The following PPFIA2 variants were observed in gnomAD, a reference collection of about 807,000 sequenced individuals.
PPFIA2 encodes the protein PPFI scaffold protein A2.
A neutral mutation model predicts 175.5 loss-of-function variants in PPFIA2; 46 were observed. The ratio of observed to expected loss-of-function variants is 0.26; its 90% CI spans 0.21 to 0.34. The LOEUF (loss-of-function observed/expected upper bound fraction) is 0.34. Ranked by LOEUF, PPFIA2 falls within the 10% of genes least tolerant of loss-of-function variation. The pLI, the probability that PPFIA2 is intolerant of heterozygous loss-of-function variation, is 1.00. For missense variants in PPFIA2, 1,179 were observed against 1,506.1 expected, an observed-to-expected ratio of 0.78 and a Z score of 3.60; for synonymous variants, 568 against 511.4, an observed-to-expected ratio of 1.11 and a Z score of -1.49.
At chr12:81,659,824 C>A (rs1209092224) in intron 4 of PPFIA2, among the ~76,000 whole-genome samples, 2 of 152,166 alleles carry the variant, frequency 1.3e-5, no homozygotes, top group Non-Finnish European at 2.9e-5. Context: ...CAGACTGACA[C>A]CTCACACGGC....
At chr12:81,709,642 G>C (rs1318839394) in intron 3 of PPFIA2, among the ~76,000 whole-genome samples, 1 of 151,694 alleles carries the variant, frequency 6.6e-6, no homozygotes, top group Non-Finnish European at 1.5e-5. Flanking sequence ...TATTATGAGA[G>C]CTTTCAAAGT....
chr12:81,688,470 G>C (rs1204311171), intron 3 of PPFIA2, among the ~76,000 whole-genome samples: 1 of 151,706 alleles, frequency 6.6e-6, no homozygotes, highest in African/African-American at 2.4e-5. Flanking sequence ...TCAATTACAT[G>C]ATGCTTAGAT....
chr12:81,497,095 C>T (rs2060102366), intron 4 of PPFIA2, among the ~76,000 whole-genome samples: 1 of 152,196 alleles, frequency 6.6e-6, no homozygotes, highest in African/African-American at 2.4e-5. Context: ...TATGTCCTAA[C>T]TCATGCTTGG....
At chr12:81,318,368 C>T (rs1490998144) in intron 22 of PPFIA2, among the ~76,000 whole-genome samples, 1 of 151,734 alleles carries the variant, frequency 6.6e-6, no homozygotes, top group African/African-American at 2.4e-5. Flanking sequence ...ATTTGTCAGG[C>T]ATTGCTCATT....
intron 4 of PPFIA2, among the ~76,000 whole-genome samples, chr12:81,585,117 T>C (rs1330613292): frequency 7.3e-6 from 1 of 137,198 alleles, no homozygotes; most frequent in Non-Finnish European, 1.5e-5. Context: ...CATAAATATA[T>C]AGCATAAAAT....
At chr12:81,731,601 G>T (rs2080920639) in intron 3 of PPFIA2, among the ~76,000 whole-genome samples, 1 of 151,522 alleles carries the variant, frequency 6.6e-6, no homozygotes, top group Non-Finnish European at 1.5e-5. Context: ...AATATATAAG[G>T]TTGAAATAGT....
chr12:81,658,290 GA>G (rs2068122247), intron 4 of PPFIA2, among the ~76,000 whole-genome samples: 4 of 51,756 alleles, frequency 7.7e-5, no homozygotes, highest in African/African-American at 5.7e-4. Context: ...AAAAAGAAAA[GA>G]AAAGAAAAAA....
At chr12:81,526,276 G>A (rs926462200) in intron 4 of PPFIA2, among the ~76,000 whole-genome samples, 2 of 152,180 alleles carry the variant, frequency 1.3e-5, no homozygotes, top group South Asian at 2.1e-4. Context: ...TTTCCTGATA[G>A]TTGAGAATAA....
chr12:81,540,409 A>G (rs917731015), intron 4 of PPFIA2, among the ~76,000 whole-genome samples: 2 of 152,046 alleles, frequency 1.3e-5, no homozygotes, highest in Non-Finnish European at 2.9e-5. Flanking sequence ...GTGTACAGAA[A>G]GTAAATATTC....
At chr12:81,301,645 G>A (rs2047875979) in intron 22 of PPFIA2, among the ~76,000 whole-genome samples, 1 of 151,990 alleles carries the variant, frequency 6.6e-6, no homozygotes. Context: ...TCGTACCCGC[G>A]CCATCTCTCT....
chr12:81,548,305 G>C (rs2067304662), intron 4 of PPFIA2, among the ~76,000 whole-genome samples: 1 of 151,932 alleles, frequency 6.6e-6, no homozygotes, highest in Admixed American at 6.6e-5. Flanking sequence ...ATCATCTAAG[G>C]CCTTCCAATA....
intron 4 of PPFIA2, among the ~76,000 whole-genome samples, chr12:81,624,342 T>C (rs551650750): frequency 1.3e-5 from 2 of 150,462 alleles, no homozygotes; most frequent in South Asian, 4.2e-4. Context: ...CTATAATCTG[T>C]ATGTTACTCT....
chr12:81,526,289 G>C (rs1056546435), intron 4 of PPFIA2, among the ~76,000 whole-genome samples: 1 of 152,188 alleles, frequency 6.6e-6, no homozygotes. Flanking sequence ...GAGAATAAGG[G>C]TGCATGTGGC....
chr12:81,520,568 G>A lies in PPFIA2; in HGVS notation c.304-62702C>T, dbSNP rs149424441. On this transcript the variant is annotated intron_variant, in intron 4 of 32. Coordinates refer to ENST00000549396, the MANE Select transcript of PPFIA2 (RefSeq NM_003625.5). ...TTGATTCTTTCTTCTTTTCTTCTTC[G>A]TTTCTTCTTTTGACATATATTACTT... 3.4e-3 allele frequency among the ~76,000 whole-genome samples: 519 copies of A among 151,906 alleles called. 3 individuals carry two copies. Among genetic ancestry groups the A allele is most frequent in the African/African-American group, 0.012 (482 of 41,418 alleles).
In PPFIA2 at chr12:81,375,930, T is replaced by G; in HGVS notation, c.997A>C (p.Lys333Gln). ...QRDIREAMAQ[K>Q]EDMEERITTL... ...GTAATTCTTTCTTCCATATCTTCCT[T>G]TTGTGCCATGGCCTACAATTAAAAT... Residue 333 changes from lysine (K) to glutamine (Q), a missense_variant, in exon 10 of 33, where the codon AAG becomes CAG. Lys to Gln is a moderately conservative substitution (Grantham distance 53). Around this residue, in one of 10 missense-constraint regions of PPFIA2, gnomAD observed 226 missense variants for 216.6 expected, o/e 1.04. Coordinates refer to ENST00000549396, the MANE Select transcript of PPFIA2 (RefSeq NM_003625.5). 1 of 1,613,066 alleles carries G rather than the reference T, an allele frequency of 6.2e-7. No homozygotes were observed.
intron 22 of PPFIA2, chr12:81,311,901 G>A (rs923297870): frequency 3.2e-5 from 16 of 504,568 alleles, no homozygotes; most frequent in Non-Finnish European, 4.9e-5. Flanking sequence ...AAGGAGTCTA[G>A]AATGTCTTTT....
At chr12:81,504,920 C>T (rs2147548705) in intron 4 of PPFIA2, among the ~76,000 whole-genome samples, 1 of 152,218 alleles carries the variant, frequency 6.6e-6, no homozygotes, top group East Asian at 1.9e-4. Context: ...CACATGTTCT[C>T]ACTCATAAGT....
At chr12:81,581,469 C>G (rs2074391751) in intron 4 of PPFIA2, among the ~76,000 whole-genome samples, 1 of 151,710 alleles carries the variant, frequency 6.6e-6, no homozygotes, top group Non-Finnish European at 1.5e-5. Flanking sequence ...CGCGCAGGTC[C>G]TCTTCTCTGT....
At chr12:81,665,918 G>A (rs2070138964) in intron 4 of PPFIA2, among the ~76,000 whole-genome samples, 1 of 151,102 alleles carries the variant, frequency 6.6e-6, no homozygotes. Context: ...AAATTTACAA[G>A]AAAAAAACAA....
Sources: allele counts gnomAD v4.1 joint callset (sites outside exome capture counted in the v4.1 genomes callset), GRCh38; gene constraint gnomAD v4.1.1; regional missense constraint gnomAD v4.1.1; transcripts MANE v1.5; gene names NCBI Gene and HGNC (gene_info 2026-07-23, HGNC 2026-07-21).